SLC8A3: variants seen among roughly 807,000 people sequenced by gnomAD.
SLC8A3 encodes solute carrier family 8 member A3.
In SLC8A3, 37 loss-of-function variants were observed where a neutral mutation model predicts 65.4. That is an observed-to-expected ratio of 0.57 (90% confidence interval 0.44 to 0.74). The LOEUF is 0.74. Ranked by LOEUF, SLC8A3 falls within the 30% of genes least tolerant of loss-of-function variation. SLC8A3 has a pLI of 0.00. For synonymous variants in SLC8A3, 461 were observed against 444.5 expected, an observed-to-expected ratio of 1.04 and a Z score of -0.47; for missense variants, 1,112 against 1,172.1, an observed-to-expected ratio of 0.95 and a Z score of 0.75.
chr14:70,062,228 C>T (rs560418187), intron 2 of SLC8A3, among the ~76,000 whole-genome samples: 3 of 152,058 alleles, frequency 2.0e-5, no homozygotes, highest in African/African-American at 4.8e-5. Context: ...CTTCTGTGGG[C>T]GTGCTCGGCT....
intron 1 of SLC8A3, among the ~76,000 whole-genome samples, chr14:70,171,476 G>A (rs1165033607): frequency 6.6e-6 from 1 of 152,094 alleles, no homozygotes; most frequent in Non-Finnish European, 1.5e-5. Flanking sequence ...TATTCCATGA[G>A]AAAATAAATG....
At chr14:70,166,603 G>T in intron 2 of SLC8A3, 36 bp downstream of exon 2, 1 of 1,177,850 alleles carries the variant, frequency 8.5e-7, no homozygotes, top group Non-Finnish European at 1.2e-6. Flanking sequence ...CAAAAGATGG[G>T]GTCAGGGAGG....
intron 2 of SLC8A3, among the ~76,000 whole-genome samples, chr14:70,158,743 A>G (rs1435284180): frequency 6.6e-6 from 1 of 152,202 alleles, no homozygotes; most frequent in Non-Finnish European, 1.5e-5. Flanking sequence ...TCAGAAAAAC[A>G]TATTTTTTCC....
chr14:70,137,928 T>C (rs1488621270), intron 2 of SLC8A3, among the ~76,000 whole-genome samples: 1 of 152,090 alleles, frequency 6.6e-6, no homozygotes, highest in East Asian at 1.9e-4. Context: ...GCAAGTCTCC[T>C]CATTCCCATG....
chr14:70,100,888 C>T (rs536134985), intron 2 of SLC8A3, among the ~76,000 whole-genome samples: 2 of 152,316 alleles, frequency 1.3e-5, no homozygotes, highest in African/African-American at 4.8e-5. Flanking sequence ...TTCTGTGTCT[C>T]ACAATCTTTA....
At chr14:70,060,703 G>A (rs45554836) in intron 3 of SLC8A3, 133 bp downstream of exon 3, 62,992 of 764,324 alleles carry the variant, frequency 0.082, 3,022 homozygotes, top group African/African-American at 0.15. Flanking sequence ...TGGTCAAAAA[G>A]AGAAAGGAGG....
rs189302748 is a variant in SLC8A3 at position 70,146,464 on chromosome 14, G to A, written c.1784+20175C>T. On this transcript the variant is annotated intron_variant, in intron 2 of 6. Coordinates refer to ENST00000356921, the MANE Select transcript of SLC8A3 (RefSeq NM_182932.3). Reference sequence around the variant, plus strand: ...ATTGAGGAGATGATGGCTCTCTAACGAAGCCCAGCAAGGGAAAAGGAAGCA... The same window carrying A: ...ATTGAGGAGATGATGGCTCTCTAACAAAGCCCAGCAAGGGAAAAGGAAGCA... 2.1e-3 allele frequency among the ~76,000 whole-genome samples: 322 copies of A among 152,192 alleles called. 1 individual carries two copies. Among genetic ancestry groups the A allele is most frequent in the Non-Finnish European group, 1.2e-3 (85 of 68,012 alleles).
intron 2 of SLC8A3, among the ~76,000 whole-genome samples, chr14:70,126,570 T>TCTCTCA (rs1385909771): frequency 0.027 from 3,134 of 117,034 alleles, 53 homozygotes; most frequent in Non-Finnish European, 0.04. Context: ...TCTCTCTCTC[T>TCTCTCA]CACACACACA....
chr14:70,104,056 A>G (rs1892702320), intron 2 of SLC8A3, among the ~76,000 whole-genome samples: 1 of 152,096 alleles, frequency 6.6e-6, no homozygotes, highest in Admixed American at 6.5e-5. Flanking sequence ...TGCATAAATA[A>G]TAACGGAACC....
chr14:70,071,444 T>C (rs1466311457), intron 2 of SLC8A3, among the ~76,000 whole-genome samples: 1 of 152,220 alleles, frequency 6.6e-6, no homozygotes, highest in Non-Finnish European at 1.5e-5. Context: ...TTCTACATGC[T>C]GCTTTGGTTT....
intron 1 of SLC8A3, among the ~76,000 whole-genome samples, chr14:70,176,994 A>G (rs569414061): frequency 1.4e-4 from 22 of 152,288 alleles, no homozygotes; most frequent in African/African-American, 5.3e-4. Context: ...GCATTTATGC[A>G]TTTGTATGAA....
chr14:70,121,528 C>T (rs1894054942), intron 2 of SLC8A3, among the ~76,000 whole-genome samples: 1 of 152,176 alleles, frequency 6.6e-6, no homozygotes, highest in Admixed American at 6.5e-5. Flanking sequence ...ACCACTTCAG[C>T]CTCAGTTTCT....
Position 70,146,701 on chromosome 14 carries a change from C to T in SLC8A3, c.1784+19938G>A, listed in dbSNP as rs554418638. 8.5e-5 allele frequency among the ~76,000 whole-genome samples: 13 copies of T among 152,334 alleles called. No homozygotes were observed. The East Asian group carries it at 2.5e-3, about 29-fold the overall frequency. ...CTGCCTTCTCCTTCCAGCTTCCATG[C>T]TGTAAGCCAGTGTCCTTTTTGCAGT... On this transcript the variant is annotated intron_variant, in intron 2 of 6. Coordinates refer to ENST00000356921, the MANE Select transcript of SLC8A3 (RefSeq NM_182932.3).
chr14:70,046,080 C>T lies in SLC8A3; in HGVS notation c.2633G>A (p.Arg878Gln), dbSNP rs761690118. The T allele has an allele frequency of 1.6e-5, 26 of 1,614,148 alleles. No individual in the cohort carries two copies. Among genetic ancestry groups the T allele is most frequent in the Non-Finnish European group, 2.0e-5 (24 of 1,180,016 alleles). The change falls in exon 7 of 7, where the codon CGG becomes CAG. Residue 878 changes from arginine (R) to glutamine (Q), a missense_variant. Arg to Gln is a conservative substitution (Grantham distance 43). Coordinates refer to ENST00000356921, the MANE Select transcript of SLC8A3 (RefSeq NM_182932.3). The surrounding 1 kb of genome is among the most constrained non-coding windows in gnomAD (Gnocchi z 4.2). ...ACCAAGCTCCCCTCCCAGGTGCGGC[C>T]GCCTTCGGTACAAGAGCACGCTGAT... ...VCISVLLYRR[R>Q]PHLGGELGGP... is the part of the protein sequence containing the mutation.
At chr14:70,146,519 T>C (rs1405467042) in intron 2 of SLC8A3, among the ~76,000 whole-genome samples, 1 of 152,182 alleles carries the variant, frequency 6.6e-6, no homozygotes, top group Non-Finnish European at 1.5e-5. Context: ...TTACTTCAGC[T>C]CTTCTATCTA....
Position 70,044,969 on chromosome 14 carries a change from T to A in SLC8A3, c.*978A>T, listed in dbSNP as rs1288590673. 6.6e-6 allele frequency: 1 copy of A among 152,198 alleles called. No homozygotes were observed. Among genetic ancestry groups the A allele is most frequent in the Non-Finnish European group, 1.5e-5 (1 of 68,040 alleles). 9.4% of individuals were successfully genotyped at this position (152,198 alleles called of 1,614,324 possible). ...CCAAAGATAATCAAGAAGGCCTGTA[T>A]CCCTTTTGTTCTTCCAGTAGCCCTT... On this transcript the variant is annotated 3_prime_UTR_variant, in exon 7 of 7. Coordinates refer to ENST00000356921, the MANE Select transcript of SLC8A3 (RefSeq NM_182932.3).
At chr14:70,061,163 G>C (rs903502219) in intron 2 of SLC8A3, among the ~76,000 whole-genome samples, 14 of 152,162 alleles carry the variant, frequency 9.2e-5, no homozygotes, top group African/African-American at 3.4e-4. Context: ...GGGTGAGGGG[G>C]CAGGGAGCCA....
chr14:70,181,903 T>C (rs1882782235), intron 1 of SLC8A3, among the ~76,000 whole-genome samples: 1 of 152,142 alleles, frequency 6.6e-6, no homozygotes, highest in South Asian at 2.1e-4. Context: ...AGTATAATAA[T>C]AGTAAGTACT....
At chr14:70,138,259 G>A (rs1021156966) in intron 2 of SLC8A3, among the ~76,000 whole-genome samples, 1 of 152,150 alleles carries the variant, frequency 6.6e-6, no homozygotes, top group African/African-American at 2.4e-5. Flanking sequence ...AGGGACTTTC[G>A]ATAACTAGAA....
Sources: allele counts gnomAD v4.1 joint callset (sites outside exome capture counted in the v4.1 genomes callset), GRCh38; gene constraint gnomAD v4.1.1; non-coding constraint Gnocchi (gnomAD v3.1); transcripts MANE v1.5; gene names NCBI Gene and HGNC (gene_info 2026-07-23, HGNC 2026-07-21).